The following NOS1 variants were observed in gnomAD, a reference collection of about 807,000 sequenced individuals.
NOS1 encodes NOS type I.
Under a neutral mutation model 164.5 loss-of-function variants are expected in NOS1, and 51 were observed. The ratio of observed to expected loss-of-function variants is 0.31; its 90% CI spans 0.25 to 0.39. The LOEUF (loss-of-function observed/expected upper bound fraction) is 0.39, where lower values mean the gene tolerates loss of function less well. NOS1 is among the 10% of genes least tolerant of loss of function. NOS1 has a pLI of 1.00. For missense variants in NOS1, 1,362 were observed against 1,885.6 expected, an observed-to-expected ratio of 0.72 and a Z score of 5.14; for synonymous variants, 719 against 745.8, an observed-to-expected ratio of 0.96 and a Z score of 0.59.
At chr12:117,257,295 G>A (rs1391919466) in intron 16 of NOS1, among the ~76,000 whole-genome samples, 2 of 151,792 alleles carry the variant, frequency 1.3e-5, no homozygotes, top group Non-Finnish European at 2.9e-5. Flanking sequence ...TATTGCCCAG[G>A]CTGGTTTGAA....
At position 117,261,506 on chromosome 12, in the gene NOS1, G is replaced by A. The variant is rs77716418; in HGVS notation, c.2223-897C>T. 2.4e-4 allele frequency among the ~76,000 whole-genome samples: 37 copies of A among 152,240 alleles called. 1 individual carries two copies. In the East Asian group the frequency reaches 7.2e-3, roughly 29 times the overall value. The stretch of plus-strand genomic sequence containing the variant: ...GAATGAGAGAAAGAGAGAGAGAAAT[G>A]AATCACGAATTAGTCACCAGGCATT... On this transcript the variant is annotated intron_variant, in intron 13 of 28. Transcript: ENST00000317775.
rs1644322433 is a variant in NOS1 at position 117,290,928 on chromosome 12, T to C, written c.853-502A>G. 2.6e-5 allele frequency among the ~76,000 whole-genome samples: 4 copies of C among 152,078 alleles called. 1 individual carries two copies. The highest frequency in any genetic ancestry group is 1.5e-5 in the Non-Finnish European group (1 of 68,014). ...ACAGAAAGATTTAAATTGAAAAATT[T>C]TGGGCCAGGCACAGTGGCTCACACC... On this transcript the variant is annotated intron_variant, in intron 3 of 28. Transcript: ENST00000317775.
At chr12:117,291,212 T>TGGGAGA in intron 3 of NOS1, among the ~76,000 whole-genome samples, 1 of 152,100 alleles carries the variant, frequency 6.6e-6, no homozygotes, top group African/African-American at 2.4e-5. Flanking sequence ...AGCCTCCATC[T>TGGGAGA]CAGAAAAATA....
chr12:117,216,537 G>A (rs1034870474), intron 28 of NOS1, among the ~76,000 whole-genome samples: 6 of 151,572 alleles, frequency 4.0e-5, no homozygotes, highest in African/African-American at 9.7e-5. Flanking sequence ...GGGTGCAGTG[G>A]TGCCATCATG....
Position 117,234,863 on chromosome 12 carries a change from T to G in NOS1, c.3042-105A>C. 1 of 905,970 alleles carries G rather than the reference T, an allele frequency of 1.1e-6. No homozygotes were observed. The highest frequency in any genetic ancestry group is 1.7e-6 in the Non-Finnish European group (1 of 604,802). The allele number at this position is 905,970 out of a possible 1,614,324, so 56.1% of individuals were successfully genotyped here. The stretch of plus-strand genomic sequence containing the variant: ...TTGGCTGCAATTCTCCTCCTTCCAT[T>G]CTTGTTGGGGCCCGTGCTAACCAAG... On this transcript the variant is annotated intron_variant, in intron 20 of 28. Transcript: ENST00000317775. The surrounding 1 kb of genome is among the most constrained non-coding windows in gnomAD (Gnocchi z 4.3).
rs1388400583 is a variant in NOS1, at chr12:117,256,059, G to C, written c.2532-2305C>G. On this transcript the variant is annotated intron_variant, in intron 16 of 28. Coordinates refer to ENST00000317775, the MANE Select transcript of NOS1 (RefSeq NM_000620.5). Reference sequence around the variant, plus strand: ...GTACCTAGAGGGGAGAATCGATGGTGCCCTATCTCTCCCTGAAGGAGGGGT... The same window carrying C: ...GTACCTAGAGGGGAGAATCGATGGTCCCCTATCTCTCCCTGAAGGAGGGGT... The C allele has an allele frequency of 1.0e-5, 13 of 1,291,448 alleles. No individual in the cohort carries two copies. The East Asian group carries it at 3.7e-4, about 37-fold the overall frequency. 80.0% of individuals were successfully genotyped at this position (1,291,448 alleles called of 1,614,324 possible).
chr12:117,293,600 T>C (rs1013088224), intron 3 of NOS1, among the ~76,000 whole-genome samples: 2 of 152,088 alleles, frequency 1.3e-5, no homozygotes, highest in Non-Finnish European at 2.9e-5. Context: ...GTATTAGAAG[T>C]ATTTCTTGTA....
In NOS1 at chr12:117,288,095, T is replaced by C. The variant is rs970146959; in HGVS notation, c.1106A>G (p.Gln369Arg). The change falls in exon 5 of 29, where the codon CAA becomes CGA. Residue 369 changes from glutamine (Q) to arginine (R), a missense_variant. Gln to Arg is a conservative substitution (Grantham distance 43, BLOSUM62 1). This residue lies in a region of NOS1 where 129 missense variants were observed against 186.0 expected (regional missense o/e 0.69). Coordinates refer to ENST00000317775, the MANE Select transcript of NOS1 (RefSeq NM_000620.5). ...TTGCCTTTTAATTGATGAATAGTAT[T>C]GATCAATAAACTCTTTGGCGAGAGG... The part of the protein sequence containing the change: ...LFPLAKEFID[Q>R]YYSSIKRFGS... 8 of 1,614,104 alleles carry C rather than the reference T, an allele frequency of 5.0e-6. No homozygotes were observed. The highest frequency in any genetic ancestry group is 1.3e-5 in the African/African-American group (1 of 74,936).
chr12:117,235,774 G>A (rs1869657267), intron 20 of NOS1, among the ~76,000 whole-genome samples: 1 of 152,188 alleles, frequency 6.6e-6, no homozygotes, highest in Non-Finnish European at 1.5e-5. Context: ...TGGGCACGGT[G>A]GCTCACGCCT....
chr12:117,339,414 C>T (rs1039427900), intron 1 of NOS1, among the ~76,000 whole-genome samples: 1 of 152,178 alleles, frequency 6.6e-6, no homozygotes, highest in African/African-American at 2.4e-5. Flanking sequence ...TTTGGGAAAT[C>T]CCACTCTCTT....
intron 1 of NOS1, among the ~76,000 whole-genome samples, chr12:117,334,442 G>A (rs1006134027): frequency 6.6e-6 from 1 of 152,072 alleles, no homozygotes; most frequent in Non-Finnish European, 1.5e-5. Context: ...TGTCGCCCAG[G>A]CTGGAATGCA....
At chr12:117,221,276 T>C (rs900115815) in intron 26 of NOS1, among the ~76,000 whole-genome samples, 2 of 151,516 alleles carry the variant, frequency 1.3e-5, no homozygotes, top group African/African-American at 2.4e-5. Flanking sequence ...CCTCTCAGCC[T>C]CTTGAATAGC....
At chr12:117,262,341 T>C (rs542113562) in intron 13 of NOS1, among the ~76,000 whole-genome samples, 48 of 151,744 alleles carry the variant, frequency 3.2e-4, no homozygotes, top group African/African-American at 1.2e-3. Flanking sequence ...TGAGATATTC[T>C]TGTTAGGGAA....
At chr12:117,263,213 TAATGAATGAATGAATGAGTA>T (rs57158551) in intron 13 of NOS1, among the ~76,000 whole-genome samples, 66,380 of 151,708 alleles carry the variant, frequency 0.44, 16,930 homozygotes, top group South Asian at 0.59. Flanking sequence ...GACACCCAAC[TAATGAATGAATGAATGAGTA>T]AATGAATGAA....
intron 3 of NOS1, among the ~76,000 whole-genome samples, chr12:117,299,681 CCTCTCT>C (rs10532868): frequency 1.0e-4 from 15 of 144,252 alleles, no homozygotes; most frequent in Non-Finnish European, 1.8e-4. Flanking sequence ...GCTTACTCTG[CCTCTCT>C]CTCTCTCTCT....
Position 117,330,299 on chromosome 12 carries a change from T to TAC in NOS1, c.725+45_725+46insGT, listed in dbSNP as rs376586960. 15 of 634,018 alleles carry TAC rather than the reference T, an allele frequency of 2.4e-5. No individual in the cohort carries two copies. The South Asian group carries it at 4.6e-4, about 19-fold the overall frequency. The allele number at this position is 634,018 out of a possible 1,614,324, so 39.3% of individuals were successfully genotyped here. On this transcript the variant is annotated intron_variant, in intron 2 of 28. Coordinates refer to ENST00000317775, the MANE Select transcript of NOS1 (RefSeq NM_000620.5). This position sits in a 1 kb window ranked among gnomAD's most constrained non-coding sequence, Gnocchi z 4.6. ...AGACGCACATGCACACACACAAGCA[T>TAC]GCACACACACACACACACACACACA...
At chr12:117,304,608 T>C (rs1874035945) in intron 3 of NOS1, among the ~76,000 whole-genome samples, 1 of 152,180 alleles carries the variant, frequency 6.6e-6, no homozygotes, top group African/African-American at 2.4e-5. Flanking sequence ...ATTTGTTCTA[T>C]CTACTATCCC....
At chr12:117,288,280 C>A in intron 4 of NOS1, 61 bp from the exon 5 acceptor site, 1 of 1,538,170 alleles carries the variant, frequency 6.5e-7, no homozygotes, top group South Asian at 1.2e-5. Flanking sequence ...AGGTGTTAGG[C>A]TGTGGGCTTG....
chr12:117,343,909 C>T (rs1262762452), intron 1 of NOS1, among the ~76,000 whole-genome samples: 3 of 152,216 alleles, frequency 2.0e-5, no homozygotes, highest in African/African-American at 4.8e-5. Flanking sequence ...AGATCCACAA[C>T]ATCCATATAG....
Sources: gnomAD v4.1 joint callset for allele counts (sites outside exome capture counted in the v4.1 genomes callset) on GRCh38, gnomAD v4.1.1 for gene constraint, gnomAD v4.1.1 regional missense constraint, Gnocchi (gnomAD v3.1) non-coding constraint, MANE v1.5 for transcripts, NCBI Gene and HGNC (gene_info 2026-07-23, HGNC 2026-07-21) for gene names.